LRP1B: variants seen among roughly 807,000 people sequenced by gnomAD.
LRP1B encodes the protein low-density lipoprotein receptor-related protein 1B.
Under a neutral mutation model 556.6 loss-of-function variants are expected in LRP1B, and 217 were observed. The observed-to-expected ratio is 0.39, with a 90% CI of 0.35 to 0.44. The LOEUF (loss-of-function observed/expected upper bound fraction) is 0.44. Among genes scored for constraint, LRP1B ranks in the 20% least tolerant of loss-of-function variants. The probability of loss-of-function intolerance (pLI) is 1.00; values close to 1 mark genes in which losing one functional copy is unlikely to be tolerated. For synonymous variants in LRP1B, 2,047 were observed against 1,865.8 expected (o/e 1.10, Z -2.50); for missense variants, 5,053 against 5,620.8 (o/e 0.90, Z 3.23).
chr2:141,846,370 CTT>C (rs543075371), intron 1 of LRP1B, among the ~76,000 whole-genome samples: 235 of 151,466 alleles, frequency 1.6e-3, no homozygotes, highest in Middle Eastern at 3.4e-3. Context: ...TCATGAAAGA[CTT>C]TGAAATGGCA....
At chr2:141,019,607 T>A (rs1443565407) in intron 12 of LRP1B, among the ~76,000 whole-genome samples, 6 of 152,080 alleles carry the variant, frequency 3.9e-5, no homozygotes, top group Non-Finnish European at 7.4e-5. Flanking sequence ...TAAAATGGAT[T>A]GATTCTCTGG....
intron 26 of LRP1B, 71 bp downstream of exon 26, chr2:140,868,028 G>A (rs2105155425): frequency 1.4e-6 from 2 of 1,474,434 alleles, no homozygotes; most frequent in Non-Finnish European, 1.8e-6. Flanking sequence ...TGACATGTTA[G>A]GACACTTTCC....
chr2:141,503,699 G>T (rs530273601), intron 2 of LRP1B, among the ~76,000 whole-genome samples: 1 of 151,958 alleles, frequency 6.6e-6, no homozygotes, highest in South Asian at 2.1e-4. Flanking sequence ...ATCATAATAT[G>T]AATACATCTT....
intron 2 of LRP1B, among the ~76,000 whole-genome samples, chr2:141,738,690 T>G (rs1022611480): frequency 6.6e-6 from 1 of 152,170 alleles, no homozygotes; most frequent in Admixed American, 6.6e-5. Flanking sequence ...CCAACCAGGA[T>G]AAGTAGACTT....
intron 4 of LRP1B, among the ~76,000 whole-genome samples, chr2:141,250,004 G>C (rs1028435559): frequency 1.3e-5 from 2 of 152,120 alleles, no homozygotes; most frequent in Non-Finnish European, 2.9e-5. Context: ...AAATAATTCT[G>C]GAGAAAGGGG....
At chr2:140,666,341 A>AAATT (rs1210174508) in intron 41 of LRP1B, among the ~76,000 whole-genome samples, 1 of 151,588 alleles carries the variant, frequency 6.6e-6, no homozygotes, top group African/African-American at 2.4e-5. Flanking sequence ...CCACACAAAT[A>AAATT]AATTGCCTCC....
chr2:140,617,585 A>C (rs1352711561), intron 41 of LRP1B, among the ~76,000 whole-genome samples: 2 of 151,988 alleles, frequency 1.3e-5, no homozygotes, highest in African/African-American at 4.8e-5. Flanking sequence ...CAAGTTATAT[A>C]AGGGAAAATA....
At chr2:140,918,417 C>T (rs1209027105) in intron 21 of LRP1B, among the ~76,000 whole-genome samples, 2 of 151,944 alleles carry the variant, frequency 1.3e-5, no homozygotes, top group African/African-American at 2.4e-5. Flanking sequence ...TCCTCAAATG[C>T]ATGAATATAT....
chr2:142,043,348 G>T (rs772688482), intron 1 of LRP1B, among the ~76,000 whole-genome samples: 1 of 151,424 alleles, frequency 6.6e-6, no homozygotes, highest in Non-Finnish European at 1.5e-5. Context: ...ACTCCTTATG[G>T]TATGATAGCA....
intron 18 of LRP1B, among the ~76,000 whole-genome samples, chr2:140,981,262 A>G (rs1308595399): frequency 6.6e-6 from 1 of 152,120 alleles, no homozygotes; most frequent in Non-Finnish European, 1.5e-5. Flanking sequence ...AAAAAGAAAA[A>G]TATAATAAAC....
At chr2:141,093,101 T>C (rs1468210948) in intron 7 of LRP1B, among the ~76,000 whole-genome samples, 1 of 151,562 alleles carries the variant, frequency 6.6e-6, no homozygotes, top group Non-Finnish European at 1.5e-5. Flanking sequence ...TAGTCATCTA[T>C]GGGAATGATA....
intron 2 of LRP1B, among the ~76,000 whole-genome samples, chr2:141,555,477 G>A (rs1044525996): frequency 1.3e-5 from 2 of 151,956 alleles, no homozygotes; most frequent in Admixed American, 1.3e-4. Flanking sequence ...ACAAAGCAGA[G>A]TGGCAGGCAC....
At position 140,485,495 on chromosome 2, in the gene LRP1B, T is replaced by C. The variant is rs765177641; in HGVS notation, c.9273A>G (p.Ala3091=). 1.9e-6 allele frequency: 3 copies of C among 1,613,696 alleles called. No homozygotes were observed. Among genetic ancestry groups the C allele is most frequent in the South Asian group, 2.2e-5 (2 of 91,058 alleles). ...KVVHNTAVPN[A]LAVDWIGKNL... ...TTTTTCCAATCCAATCGACAGCAAG[T>C]GCATTGGGGACCGCTGTGTTATGAA... Residue 3091 remains alanine, a synonymous_variant, in exon 59 of 91, where the codon GCA becomes GCG. Coordinates refer to ENST00000389484, the MANE Select transcript of LRP1B (RefSeq NM_018557.3).
At chr2:140,731,643 C>A (rs1204445831) in intron 35 of LRP1B, among the ~76,000 whole-genome samples, 1 of 151,734 alleles carries the variant, frequency 6.6e-6, no homozygotes, top group African/African-American at 2.4e-5. Flanking sequence ...TGGCCCGTGC[C>A]TGTAGTCCCA....
At chr2:140,564,589 C>T (rs915931769) in intron 43 of LRP1B, among the ~76,000 whole-genome samples, 2 of 152,024 alleles carry the variant, frequency 1.3e-5, no homozygotes, top group Non-Finnish European at 2.9e-5. Context: ...AGCTATTTGG[C>T]ATTCAATACT....
intron 7 of LRP1B, among the ~76,000 whole-genome samples, chr2:141,065,192 G>T (rs550428863): frequency 6.6e-6 from 1 of 151,704 alleles, no homozygotes; most frequent in Non-Finnish European, 1.5e-5. Context: ...ATTTCGTTCC[G>T]TTGGCTATTT....
chr2:141,904,991 C>A (rs1053947740), intron 1 of LRP1B, among the ~76,000 whole-genome samples: 6 of 151,836 alleles, frequency 4.0e-5, no homozygotes, highest in Admixed American at 2.0e-4. Flanking sequence ...ATTAAGGAGA[C>A]AATGGGCAGT....
At chr2:141,143,561 A>C (rs1558889861) in intron 7 of LRP1B, among the ~76,000 whole-genome samples, 1 of 152,162 alleles carries the variant, frequency 6.6e-6, no homozygotes, top group Non-Finnish European at 1.5e-5. Context: ...TTGTATACTG[A>C]TAAATTCCTA....
intron 75 of LRP1B, among the ~76,000 whole-genome samples, chr2:140,356,087 T>G (rs1209897418): frequency 6.6e-6 from 1 of 151,914 alleles, no homozygotes; most frequent in Non-Finnish European, 1.5e-5. Context: ...AAAACAGTAT[T>G]GTAGCAATAG....
Sources: gnomAD v4.1 joint callset for allele counts (sites outside exome capture counted in the v4.1 genomes callset) on GRCh38, gnomAD v4.1.1 for gene constraint, MANE v1.5 for transcripts, NCBI Gene and HGNC (gene_info 2026-07-23, HGNC 2026-07-21) for gene names.